The following LRRC7 variants were observed in gnomAD, a reference collection of about 807,000 sequenced individuals.
The protein encoded by LRRC7 is leucine-rich repeat-containing protein 7.
LRRC7 carries 23 observed loss-of-function variants against 175.7 expected under a neutral mutation model. The observed-to-expected ratio is 0.13, with a 90% CI of 0.09 to 0.19. LRRC7 has a LOEUF of 0.19. Among genes scored for constraint, LRRC7 ranks in the 10% least tolerant of loss-of-function variants. LRRC7 has a pLI of 1.00. For missense variants in LRRC7, 1,354 were observed against 1,904.7 expected, an observed-to-expected ratio of 0.71 and a Z score of 5.38; for synonymous variants, 685 against 680.9, an observed-to-expected ratio of 1.01 and a Z score of -0.09.
rs577653596 is a variant in LRRC7, at chr1:69,849,481, CTT to C, written c.647+11199_647+11200del. ...ACAGCATTTCTTATACTAAATATAA[CTT>C]AAAGAGCATCTTTTAAATTATTACT... On this transcript the variant is annotated intron_variant, in intron 7 of 26. Coordinates refer to ENST00000651989, the MANE Select transcript of LRRC7 (RefSeq NM_001370785.2). Among the ~76,000 whole-genome samples, 5 of 151,928 alleles carry C rather than the reference CTT, an allele frequency of 3.3e-5. No homozygotes were observed. The South Asian group carries it at 8.3e-4, about 25-fold the overall frequency.
intron 3 of LRRC7, among the ~76,000 whole-genome samples, chr1:69,762,561 G>T (rs899554356): frequency 1.3e-5 from 2 of 151,968 alleles, no homozygotes; most frequent in African/African-American, 2.4e-5. Flanking sequence ...GTCTGGAACT[G>T]CAGGTGCATG....
At chr1:69,583,045 GTTTC>G (rs749939545) in intron 1 of LRRC7, among the ~76,000 whole-genome samples, 8 of 151,984 alleles carry the variant, frequency 5.3e-5, no homozygotes, top group South Asian at 2.1e-4. Context: ...TGGTTAAACA[GTTTC>G]TTTCAAGCAC....
intron 4 of LRRC7, among the ~76,000 whole-genome samples, chr1:69,795,444 A>G (rs1013891445): frequency 6.6e-6 from 1 of 152,160 alleles, no homozygotes; most frequent in African/African-American, 2.4e-5. Context: ...AACATAATAC[A>G]TCCTTTGGGA....
rs1667160778 is a variant in LRRC7 at position 70,143,395 on chromosome 1, T to C, written c.*21508T>C. ...TCGACTGGTAAAGAAAGTGCTTCTTTATGACTTCTTTTGCAGTCTTTGTGA... is the reference window on the plus strand; with the variant it reads ...TCGACTGGTAAAGAAAGTGCTTCTTCATGACTTCTTTTGCAGTCTTTGTGA... On this transcript the variant is annotated 3_prime_UTR_variant, in exon 27 of 27. Transcript: ENST00000651989. 6.6e-6 allele frequency: 1 copy of C among 152,188 alleles called. No individual in the cohort carries two copies. Among genetic ancestry groups the C allele is most frequent in the Non-Finnish European group, 1.5e-5 (1 of 68,030 alleles). The allele number at this position is 152,188 out of a possible 1,614,324, so 9.4% of individuals were successfully genotyped here.
chr1:69,753,440 G>A (rs1330351931), intron 2 of LRRC7, among the ~76,000 whole-genome samples: 1 of 151,914 alleles, frequency 6.6e-6, no homozygotes, highest in Admixed American at 6.6e-5. Flanking sequence ...TTAGGGCACA[G>A]ATAATGAGAT....
At chr1:69,989,421 A>G (rs1349533901) in intron 10 of LRRC7, among the ~76,000 whole-genome samples, 2 of 152,178 alleles carry the variant, frequency 1.3e-5, no homozygotes, top group African/African-American at 4.8e-5. Flanking sequence ...GAAATCCTGG[A>G]AATTAAAATA....
chr1:69,862,259 A>C (rs1338069167), intron 7 of LRRC7, among the ~76,000 whole-genome samples: 1 of 152,240 alleles, frequency 6.6e-6, no homozygotes, highest in African/African-American at 2.4e-5. Flanking sequence ...CCTCAAGTCC[A>C]GGTTGAACGT....
intron 3 of LRRC7, among the ~76,000 whole-genome samples, chr1:69,790,574 A>G (rs1472105278): frequency 1.3e-5 from 2 of 151,992 alleles, no homozygotes; most frequent in African/African-American, 4.8e-5. Flanking sequence ...AATCATTCAT[A>G]AGACAATTGC....
chr1:69,855,109 A>G (rs1024243758), intron 7 of LRRC7, among the ~76,000 whole-genome samples: 5 of 152,198 alleles, frequency 3.3e-5, no homozygotes, highest in Admixed American at 6.6e-5. Flanking sequence ...TTAAGTTTGC[A>G]GAGGGAAGGA....
intron 10 of LRRC7, among the ~76,000 whole-genome samples, chr1:69,988,148 A>G (rs1198007940): frequency 2.6e-5 from 4 of 152,356 alleles, no homozygotes; most frequent in South Asian, 4.1e-4. Flanking sequence ...CATTTTAAAT[A>G]TATCTTGAAA....
At chr1:69,910,058 C>T (rs908880423) in intron 7 of LRRC7, among the ~76,000 whole-genome samples, 13 of 152,236 alleles carry the variant, frequency 8.5e-5, no homozygotes, top group African/African-American at 2.6e-4. Context: ...TCCAGTTGAT[C>T]GCATCGGCTC....
At chr1:69,662,712 G>A (rs528018287) in intron 1 of LRRC7, among the ~76,000 whole-genome samples, 18 of 152,142 alleles carry the variant, frequency 1.2e-4, no homozygotes, top group African/African-American at 2.4e-4. Flanking sequence ...ATTGGGTATC[G>A]ATTATTTTTG....
chr1:69,688,344 T>C (rs553106825), intron 2 of LRRC7, among the ~76,000 whole-genome samples: 1 of 152,340 alleles, frequency 6.6e-6, no homozygotes, highest in Non-Finnish European at 1.5e-5. Context: ...GTTCCTTTTT[T>C]GTAAGCCATG....
chr1:69,906,399 C>A (rs1309959735), intron 7 of LRRC7, among the ~76,000 whole-genome samples: 1 of 152,166 alleles, frequency 6.6e-6, no homozygotes, highest in Non-Finnish European at 1.5e-5. Context: ...TTACGTCTAA[C>A]ATGTAAGTCT....
At chr1:69,788,039 C>T (rs1031875088) in intron 3 of LRRC7, among the ~76,000 whole-genome samples, 1 of 151,874 alleles carries the variant, frequency 6.6e-6, no homozygotes. Context: ...CACTCAAAGC[C>T]AAGGCTGAGA....
chr1:69,928,056 T>C (rs1379782152), intron 7 of LRRC7, among the ~76,000 whole-genome samples: 1 of 152,204 alleles, frequency 6.6e-6, no homozygotes, highest in African/African-American at 2.4e-5. Context: ...TGTTGGAGTT[T>C]GCTAGAGGTC....
chr1:69,927,145 T>C (rs2101756477), intron 7 of LRRC7, among the ~76,000 whole-genome samples: 1 of 152,378 alleles, frequency 6.6e-6, no homozygotes, highest in South Asian at 2.1e-4. Context: ...CCCCAATGTC[T>C]TCTGGCTTGT....
At chr1:69,771,598 A>G (rs1672247405) in intron 3 of LRRC7, among the ~76,000 whole-genome samples, 1 of 152,208 alleles carries the variant, frequency 6.6e-6, no homozygotes. Flanking sequence ...AATGATACAA[A>G]AAACTCAAGA....
chr1:69,836,796 T>A (rs1051422276), intron 6 of LRRC7, among the ~76,000 whole-genome samples: 1 of 151,576 alleles, frequency 6.6e-6, no homozygotes, highest in African/African-American at 2.4e-5. Context: ...AATATACCCA[T>A]GCCGTGAAGA....
Sources: gnomAD v4.1 joint callset for allele counts (sites outside exome capture counted in the v4.1 genomes callset) on GRCh38, gnomAD v4.1.1 for gene constraint, MANE v1.5 for transcripts, NCBI Gene and HGNC (gene_info 2026-07-23, HGNC 2026-07-21) for gene names.